Variants in DCDC2 observed in about 807,000 individuals in gnomAD.
DCDC2 encodes the protein doublecortin domain containing 2, also known as doublecortin domain-containing protein 2.
Under a neutral mutation model 50.2 loss-of-function variants are expected in DCDC2, and 40 were observed. The observed-to-expected ratio is 0.80, with a 90% confidence interval of 0.62 to 1.04. DCDC2 has a LOEUF of 1.04. Among genes scored for constraint, DCDC2 ranks in the 50% least tolerant of loss-of-function variants. The pLI is 0.00. For synonymous variants in DCDC2, 234 were observed against 210.6 expected (o/e 1.11, Z -0.96); for missense variants, 570 against 581.9 (o/e 0.98, Z 0.21).
chr6:24,278,262 A>G (rs774978860), intron 6 of DCDC2, 51 bp from the exon 7 acceptor site: 1 of 1,516,886 alleles, frequency 6.6e-7, no homozygotes, highest in Non-Finnish European at 8.9e-7. Flanking sequence ...ACTCTCAAAA[A>G]CATTCCCAGT....
the DCDC2 span, among the ~76,000 whole-genome samples, chr6:24,378,250 C>G: frequency 1.3e-5 from 2 of 152,188 alleles, no homozygotes; most frequent in Non-Finnish European, 2.9e-5. Context: ...CACTGGCTTC[C>G]ATTCGGCACT....
Position 24,358,003 on chromosome 6 carries a change from G to A in DCDC2, c.-253C>T. The A allele has an allele frequency of 7.4e-7, 1 of 1,353,714 alleles. No homozygotes were observed. Among genetic ancestry groups the A allele is most frequent in the South Asian group, 1.5e-5 (1 of 64,910 alleles). The allele number at this position is 1,353,714 out of a possible 1,614,324, so 83.9% of individuals were successfully genotyped here. A position where few individuals can be genotyped will look rare whatever the true frequency, so the allele number is the denominator to read the frequency against. The stretch of plus-strand genomic sequence containing the variant: ...CGTGCACAGCCAATCAGGACCCGCA[G>A]TGCGCGCACCACACCAGGTTCACCT... On this transcript the variant is annotated 5_prime_UTR_variant, in exon 1 of 10. Transcript: ENST00000378454.
chr6:24,338,119 A>G (rs1581659612), intron 2 of DCDC2, among the ~76,000 whole-genome samples: 1 of 152,348 alleles, frequency 6.6e-6, no homozygotes, highest in African/African-American at 2.4e-5. Flanking sequence ...CCTCCCATGT[A>G]AAATCAGAAT....
At chr6:24,179,794 A>AAAC (rs1761020320) in intron 8 of DCDC2, among the ~76,000 whole-genome samples, 1 of 150,178 alleles carries the variant, frequency 6.7e-6, no homozygotes. Flanking sequence ...CTCTACTAAA[A>AAAC]ATACAAAAAA....
In DCDC2 at chr6:24,215,024, G is replaced by A. The variant is rs141149313; in HGVS notation, c.923-9922C>T. The stretch of plus-strand genomic sequence containing the variant: ...GACCTCAGGATACGTATTATCTACC[G>A]GGGGGTCACATGGAAAAATCAACTG... On this transcript the variant is annotated intron_variant, in intron 7 of 9. Transcript: ENST00000378454. 3.4e-3 allele frequency among the ~76,000 whole-genome samples: 518 copies of A among 152,222 alleles called. 6 individuals carry two copies. Among genetic ancestry groups the A allele is most frequent in the African/African-American group, 0.012 (493 of 41,526 alleles).
At chr6:24,233,919 A>G (rs1341233322) in intron 7 of DCDC2, among the ~76,000 whole-genome samples, 8 of 152,192 alleles carry the variant, frequency 5.3e-5, no homozygotes, top group Non-Finnish European at 1.0e-4. Context: ...CTCAACAAAC[A>G]TTTACTGAGT....
chr6:24,334,916 C>T (rs1760028308), intron 2 of DCDC2, among the ~76,000 whole-genome samples: 1 of 152,144 alleles, frequency 6.6e-6, no homozygotes, highest in South Asian at 2.1e-4. Flanking sequence ...ACTTATTCTC[C>T]AGAGACAAAG....
At chr6:24,218,178 T>G (rs570703205) in intron 7 of DCDC2, among the ~76,000 whole-genome samples, 548 of 152,222 alleles carry the variant, frequency 3.6e-3, no homozygotes, top group Non-Finnish European at 4.9e-3. Context: ...GAATCAAACA[T>G]GAAATATCAA....
chr6:24,213,862 G>T (rs538006227), intron 7 of DCDC2, among the ~76,000 whole-genome samples: 1 of 152,006 alleles, frequency 6.6e-6, no homozygotes, highest in Admixed American at 6.6e-5. Flanking sequence ...CACCTTTCTG[G>T]ATTAAATATA....
At chr6:24,334,327 C>T (rs1184989009) in intron 2 of DCDC2, among the ~76,000 whole-genome samples, 1 of 152,158 alleles carries the variant, frequency 6.6e-6, no homozygotes, top group African/African-American at 2.4e-5. Context: ...AGCTAGTTGA[C>T]GAAAACCAGG....
chr6:24,352,103 CA>C (rs1010952806), intron 2 of DCDC2, among the ~76,000 whole-genome samples: 4 of 151,470 alleles, frequency 2.6e-5, no homozygotes, highest in South Asian at 2.1e-4. Flanking sequence ...GACTCTGTCT[CA>C]AAAAAAAATT....
chr6:24,371,916 C>A, the DCDC2 span, among the ~76,000 whole-genome samples: 1 of 152,174 alleles, frequency 6.6e-6, no homozygotes, highest in Admixed American at 6.5e-5. Flanking sequence ...ATCAAAACTG[C>A]AATGAGATAC....
chr6:24,182,889 T>C (rs1037416407), intron 8 of DCDC2, among the ~76,000 whole-genome samples: 1 of 152,190 alleles, frequency 6.6e-6, no homozygotes, highest in African/African-American at 2.4e-5. Context: ...TAGCTTAAAA[T>C]GTGGAAGCAA....
chr6:24,292,855 C>T (rs1763781104), intron 4 of DCDC2, among the ~76,000 whole-genome samples: 1 of 152,322 alleles, frequency 6.6e-6, no homozygotes, highest in South Asian at 2.1e-4. Context: ...TAGCAGTAGC[C>T]ACCCCATCCC....
chr6:24,357,497 T>C lies in DCDC2; in HGVS notation c.254A>G (p.Asn85Ser). 7.4e-6 allele frequency: 12 copies of C among 1,610,752 alleles called. No homozygotes were observed. The highest frequency in any genetic ancestry group is 1.1e-5 in the South Asian group (1 of 90,920). ...GGCTTCCTGGCCTCCAGCCACGTAA[T>C]TGCCCCCGCTCTGGATCTGGTCTAG... ...RKLDQIQSGG[N>S]YVAGGQEAFK... The change falls in exon 1 of 10, where the codon AAT becomes AGT. Residue 85 changes from asparagine to serine, a missense_variant. Asn to Ser is a conservative substitution (Grantham distance 46, BLOSUM62 1). Transcript: ENST00000378454.
intron 2 of DCDC2, among the ~76,000 whole-genome samples, chr6:24,339,585 G>C (rs1262722474): frequency 6.6e-6 from 1 of 152,152 alleles, no homozygotes; most frequent in African/African-American, 2.4e-5. Flanking sequence ...TAATAGCAGA[G>C]ACCATAGATC....
chr6:24,303,706 A>G (rs944170698), intron 2 of DCDC2, among the ~76,000 whole-genome samples: 7 of 152,348 alleles, frequency 4.6e-5, no homozygotes, highest in African/African-American at 1.7e-4. Flanking sequence ...GCACCGTACT[A>G]AGTAATTTAT....
intron 2 of DCDC2, among the ~76,000 whole-genome samples, chr6:24,336,715 G>A (rs1199555281): frequency 6.6e-6 from 1 of 151,588 alleles, no homozygotes; most frequent in Non-Finnish European, 1.5e-5. Context: ...AGTGATCCCT[G>A]CCTTTTTTTT....
chr6:24,259,958 T>C (rs532093059), intron 7 of DCDC2, among the ~76,000 whole-genome samples: 6 of 152,346 alleles, frequency 3.9e-5, no homozygotes, highest in Non-Finnish European at 5.9e-5. Flanking sequence ...TAAAATTCAG[T>C]GGAGCTTAGG....
Sources: gnomAD v4.1 joint callset for allele counts (sites outside exome capture counted in the v4.1 genomes callset) on GRCh38, gnomAD v4.1.1 for gene constraint, MANE v1.5 for transcripts, NCBI Gene and HGNC (gene_info 2026-07-23, HGNC 2026-07-21) for gene names.